NRXN3: variants seen among roughly 807,000 people sequenced by gnomAD.
The protein encoded by NRXN3 is neurexin 3.
In NRXN3, 32 loss-of-function variants were observed where a neutral mutation model predicts 137.6. The ratio of observed to expected loss-of-function variants is 0.23; its 90% CI spans 0.18 to 0.31. NRXN3 has a LOEUF of 0.31. Ranked by LOEUF, NRXN3 falls within the 10% of genes least tolerant of loss-of-function variation. The pLI, the probability that NRXN3 is intolerant of heterozygous loss-of-function variation, is 1.00. For missense variants in NRXN3, 1,574 were observed against 2,062.5 expected, an observed-to-expected ratio of 0.76 and a Z score of 4.59; for synonymous variants, 798 against 784.5, an observed-to-expected ratio of 1.02 and a Z score of -0.29.
At chr14:79,226,105 G>A (rs909863339) in intron 15 of NRXN3, among the ~76,000 whole-genome samples, 2 of 152,036 alleles carry the variant, frequency 1.3e-5, no homozygotes, top group East Asian at 1.9e-4. Context: ...GGATGTGGAC[G>A]TCTTTCAGGA....
intron 19 of NRXN3, among the ~76,000 whole-genome samples, chr14:79,750,398 A>G (rs2098993574): frequency 6.6e-6 from 1 of 152,122 alleles, no homozygotes; most frequent in African/African-American, 2.4e-5. Flanking sequence ...ATTCTTACCA[A>G]TGTAGACTCT....
intron 15 of NRXN3, among the ~76,000 whole-genome samples, chr14:79,145,788 A>G (rs775096073): frequency 9.9e-5 from 15 of 152,212 alleles, no homozygotes; most frequent in Non-Finnish European, 2.9e-5. Flanking sequence ...ATAAGTAAGC[A>G]TGAGTATCAT....
chr14:79,292,475 C>A (rs1386803658), intron 15 of NRXN3, among the ~76,000 whole-genome samples: 2 of 152,196 alleles, frequency 1.3e-5, no homozygotes, highest in Non-Finnish European at 2.9e-5. Flanking sequence ...GATTTTAATT[C>A]TCTCACCTGA....
chr14:79,517,064 T>C (rs2096993836), intron 16 of NRXN3, among the ~76,000 whole-genome samples: 1 of 149,422 alleles, frequency 6.7e-6, no homozygotes, highest in Non-Finnish European at 1.5e-5. Flanking sequence ...TGCCAAATTG[T>C]CCTTGAGAAG....
At chr14:78,342,397 G>C (rs2082241143) in intron 4 of NRXN3, among the ~76,000 whole-genome samples, 1 of 152,132 alleles carries the variant, frequency 6.6e-6, no homozygotes, top group African/African-American at 2.4e-5. Flanking sequence ...GTGGCCCTCT[G>C]TAATTAGGTG....
At chr14:79,220,453 T>C (rs2069378355) in intron 15 of NRXN3, among the ~76,000 whole-genome samples, 1 of 152,172 alleles carries the variant, frequency 6.6e-6, no homozygotes, top group Non-Finnish European at 1.5e-5. Flanking sequence ...GAAACAGTAT[T>C]GACACGTCAT....
intron 8 of NRXN3, among the ~76,000 whole-genome samples, chr14:78,773,689 A>G (rs1486874736): frequency 1.3e-5 from 2 of 152,102 alleles, no homozygotes; most frequent in African/African-American, 4.8e-5. Flanking sequence ...ACCCTTCCTC[A>G]GTGTTTTGAC....
At chr14:79,684,841 GTA>G (rs2098688531) in intron 17 of NRXN3, among the ~76,000 whole-genome samples, 2 of 152,230 alleles carry the variant, frequency 1.3e-5, no homozygotes, top group South Asian at 4.1e-4. Context: ...GAGGAAGAGG[GTA>G]GATAGAAATA....
intron 10 of NRXN3, among the ~76,000 whole-genome samples, chr14:78,819,676 C>G (rs2098944975): frequency 6.6e-6 from 1 of 152,128 alleles, no homozygotes; most frequent in African/African-American, 2.4e-5. Context: ...TGAGAAATCC[C>G]TGAGCAGAAC....
intron 19 of NRXN3, among the ~76,000 whole-genome samples, chr14:79,729,146 T>C (rs983717232): frequency 6.6e-6 from 1 of 152,210 alleles, no homozygotes; most frequent in Non-Finnish European, 1.5e-5. Flanking sequence ...TTGTAAAGGC[T>C]CAACTTTTAT....
chr14:78,614,794 C>T, intron 4 of NRXN3: 1 of 343,264 alleles, frequency 2.9e-6, no homozygotes, highest in Non-Finnish European at 5.8e-6. Context: ...GTGCCCAAGG[C>T]ACTCCCTACA....
chr14:78,521,176 A>T (rs2096278789), intron 4 of NRXN3, among the ~76,000 whole-genome samples: 1 of 152,118 alleles, frequency 6.6e-6, no homozygotes, highest in East Asian at 1.9e-4. Flanking sequence ...CTCTTCCTCT[A>T]TCCCCACTCT....
intron 15 of NRXN3, among the ~76,000 whole-genome samples, chr14:79,256,983 T>A (rs955190258): frequency 6.6e-6 from 1 of 152,128 alleles, no homozygotes; most frequent in East Asian, 1.9e-4. Flanking sequence ...TCTTAGTTCA[T>A]CTCTGAAAAC....
intron 1 of NRXN3, among the ~76,000 whole-genome samples, chr14:78,173,628 C>G (rs533014296): frequency 4.7e-5 from 7 of 147,544 alleles, no homozygotes; most frequent in Non-Finnish European, 1.0e-4. Flanking sequence ...GGCGCACCCC[C>G]CCTTCCTCCA....
chr14:78,532,506 T>C (rs984612029), intron 4 of NRXN3, among the ~76,000 whole-genome samples: 7 of 151,278 alleles, frequency 4.6e-5, no homozygotes, highest in Middle Eastern at 3.4e-3. Context: ...ACTTCTCTCA[T>C]TCAAGACCAG....
intron 15 of NRXN3, among the ~76,000 whole-genome samples, chr14:79,054,574 G>T (rs118159488): frequency 0.012 from 1,784 of 152,296 alleles, 17 homozygotes; most frequent in Non-Finnish European, 0.017. Context: ...AGGTTTCCCA[G>T]TCAAAATATG....
chr14:78,667,716 A>G (rs1025338379), intron 6 of NRXN3, among the ~76,000 whole-genome samples: 5 of 152,222 alleles, frequency 3.3e-5, no homozygotes, highest in South Asian at 2.1e-4. Context: ...ATGTGTGCAT[A>G]TGTGAAATAT....
chr14:78,603,349 T>C (rs929468820), intron 4 of NRXN3, among the ~76,000 whole-genome samples: 2 of 152,220 alleles, frequency 1.3e-5, no homozygotes, highest in Non-Finnish European at 2.9e-5. Flanking sequence ...TCAAGAGCCC[T>C]TTAACTGAAA....
intron 15 of NRXN3, among the ~76,000 whole-genome samples, chr14:79,448,329 A>G (rs940011174): frequency 6.6e-6 from 1 of 152,050 alleles, no homozygotes; most frequent in Non-Finnish European, 1.5e-5. Flanking sequence ...GCCCTCCCCC[A>G]TCATGACTAC....
Sources: gnomAD v4.1 joint callset for allele counts (sites outside exome capture counted in the v4.1 genomes callset) on GRCh38, gnomAD v4.1.1 for gene constraint, MANE v1.5 for transcripts, NCBI Gene and HGNC (gene_info 2026-07-23, HGNC 2026-07-21) for gene names.